Variants in SHOC1 observed in about 807,000 individuals in gnomAD.
The protein encoded by SHOC1 is protein shortage in chiasmata 1 ortholog.
Under a neutral mutation model 179.2 loss-of-function variants are expected in SHOC1, and 136 were observed. The observed-to-expected ratio is 0.76, with a 90% CI of 0.66 to 0.87. The LOEUF (loss-of-function observed/expected upper bound fraction) is 0.87, where lower values mean the gene tolerates loss of function less well. SHOC1 is among the 40% of genes least tolerant of loss of function. The probability of loss-of-function intolerance (pLI) is 0.00; values close to 1 mark genes in which losing one functional copy is unlikely to be tolerated. For missense variants in SHOC1, 1,538 were observed against 1,700.8 expected, an observed-to-expected ratio of 0.90 and a Z score of 1.68; for synonymous variants, 489 against 586.6, an observed-to-expected ratio of 0.83 and a Z score of 2.41.
At position 111,791,399 on chromosome 9, in the gene SHOC1, T is replaced by C. The variant is rs546953687; in HGVS notation, c.20A>G (p.Tyr7Cys). 2 of 1,479,366 alleles carry C rather than the reference T, an allele frequency of 1.4e-6. No individual in the cohort carries two copies. Among genetic ancestry groups the C allele is most frequent in the South Asian group, 1.5e-5 (1 of 68,802 alleles). The allele number at this position is 1,479,366 out of a possible 1,614,324, so 91.6% of individuals were successfully genotyped here. A position where few individuals can be genotyped will look rare whatever the true frequency, so the allele number is the denominator to read the frequency against. The change falls in exon 2 of 28, where the codon TAT becomes TGT. Residue 7 changes from tyrosine (Y) to cysteine (C), a missense_variant. Coordinates refer to ENST00000682961, the MANE Select transcript of SHOC1 (RefSeq NM_001378211.1). Reference sequence around the variant, plus strand: ...CTCATATAAATAGTCTATTGCATGATATTTCAATGCTGAAAACATATCTTC... The same window carrying C: ...CTCATATAAATAGTCTATTGCATGACATTTCAATGCTGAAAACATATCTTC... MFSALK[Y>C]HAIDYLYENV...
chr9:111,758,194 C>T lies in SHOC1; in HGVS notation c.598G>A (p.Glu200Lys). ...AAAGTTTCTTGAAGAGAGAAACATTCCCTTAAAAAAAAATACATTAATTAG... is the reference window on the plus strand; with the variant it reads ...AAAGTTTCTTGAAGAGAGAAACATTTCCTTAAAAAAAAATACATTAATTAG... ...QIFTEANFSR[E>K]CFSLQETLEA... Residue 200 changes from glutamate to lysine, a missense_variant and splice_region_variant, in exon 7 of 28, where the codon GAA becomes AAA. Transcript: ENST00000682961. The T allele has an allele frequency of 6.6e-7, 1 of 1,521,992 alleles. No homozygotes were observed. The highest frequency in any genetic ancestry group is 8.9e-7 in the Non-Finnish European group (1 of 1,120,870). The allele number at this position is 1,521,992 out of a possible 1,614,324, so 94.3% of individuals were successfully genotyped here. A position where few individuals can be genotyped will look rare whatever the true frequency, so the allele number is the denominator to read the frequency against.
At chr9:111,779,677 C>A (rs951911406) in intron 4 of SHOC1, among the ~76,000 whole-genome samples, 4 of 152,098 alleles carry the variant, frequency 2.6e-5, no homozygotes, top group African/African-American at 4.8e-5. Context: ...CGTCTCGCAT[C>A]TTGTTACTCA....
At chr9:111,736,462 G>T (rs1833816137) in intron 12 of SHOC1, among the ~76,000 whole-genome samples, 1 of 152,100 alleles carries the variant, frequency 6.6e-6, no homozygotes, top group East Asian at 1.9e-4. Flanking sequence ...TAAGCAAGGG[G>T]GAAAGAACTC....
intron 3 of SHOC1, among the ~76,000 whole-genome samples, chr9:111,785,489 C>T (rs995637154): frequency 1.3e-5 from 2 of 152,114 alleles, no homozygotes; most frequent in African/African-American, 4.8e-5. Flanking sequence ...CGACTTGACT[C>T]CTCCAAGGAT....
chr9:111,781,742 A>AATTAATTAATTAATTAATTAATT (rs1554724122), intron 3 of SHOC1, among the ~76,000 whole-genome samples: 1 of 106,572 alleles, frequency 9.4e-6, no homozygotes, highest in Non-Finnish European at 2.3e-5. Flanking sequence ...ATAAATAAAT[A>AATTAATTAATTAATTAATTAATT]AATAAATAAA....
At chr9:111,709,592 A>C (rs535232490) in intron 18 of SHOC1, among the ~76,000 whole-genome samples, 125 of 152,346 alleles carry the variant, frequency 8.2e-4, no homozygotes, top group African/African-American at 2.7e-3. Context: ...TTTTTGTGTC[A>C]GTAGACCTTG....
At chr9:111,707,706 C>T in intron 19 of SHOC1, 149 bp downstream of exon 19, 1 of 576,722 alleles carries the variant, frequency 1.7e-6, no homozygotes, top group Non-Finnish European at 3.1e-6. Context: ...AATTAAAGTG[C>T]CCTATGTAAA....
At chr9:111,780,145 G>A (rs951980593) in intron 4 of SHOC1, among the ~76,000 whole-genome samples, 48 of 152,156 alleles carry the variant, frequency 3.2e-4, no homozygotes, top group African/African-American at 1.1e-3. Flanking sequence ...TAAATTCCTA[G>A]GTGACAGAGA....
At chr9:111,731,514 G>A (rs12348078) in intron 12 of SHOC1, among the ~76,000 whole-genome samples, 27,814 of 152,044 alleles carry the variant, frequency 0.18, 2,759 homozygotes, top group Non-Finnish European at 0.22. Flanking sequence ...GGGAACAGCT[G>A]GTTAGTGGAG....
chr9:111,783,624 C>G (rs1000362240), intron 3 of SHOC1: 2 of 152,320 alleles, frequency 1.3e-5, no homozygotes, highest in Middle Eastern at 3.4e-3. Flanking sequence ...TACTCATGCT[C>G]TCAGTGACTT....
chr9:111,689,167 C>T (rs80303934), intron 27 of SHOC1, among the ~76,000 whole-genome samples: 8 of 151,806 alleles, frequency 5.3e-5, no homozygotes, highest in Non-Finnish European at 8.8e-5. Context: ...AGGCGGATTG[C>T]TTGAGCCCAA....
At chr9:111,687,647 T>C (rs1025158736) in intron 27 of SHOC1, among the ~76,000 whole-genome samples, 7 of 152,248 alleles carry the variant, frequency 4.6e-5, no homozygotes, top group African/African-American at 1.7e-4. Context: ...AGGCTCATTT[T>C]GACAGACTTT....
Position 111,741,499 on chromosome 9 carries a change from G to C in SHOC1, c.1151C>G (p.Pro384Arg), listed in dbSNP as rs1260198679. 1 of 1,611,174 alleles carries C rather than the reference G, an allele frequency of 6.2e-7. No homozygotes were observed. The highest frequency in any genetic ancestry group is 2.2e-5 in the East Asian group (1 of 44,692). ...MMWQLERCRS[P>R]LNPFLLTVPR... ...ACCTGTAAGCAAAAATGGGTTCAAA[G>C]GGCTTCTACATCTTTCTAATTGCCA... Residue 384 changes from proline (P) to arginine (R), a missense_variant, in exon 11 of 28, where the codon CCT becomes CGT. By Grantham distance (103) the Pro-to-Arg change is moderately radical. Transcript: ENST00000682961.
intron 2 of SHOC1, among the ~76,000 whole-genome samples, chr9:111,787,070 G>C (rs1297324040): frequency 1.3e-5 from 2 of 152,178 alleles, no homozygotes; most frequent in Middle Eastern, 3.4e-3. Context: ...TAAGCCTATT[G>C]TTGAGACCTA....
chr9:111,777,926 C>T (rs1376620262), intron 4 of SHOC1, among the ~76,000 whole-genome samples: 1 of 152,158 alleles, frequency 6.6e-6, no homozygotes, highest in African/African-American at 2.4e-5. Context: ...TATTTTAACT[C>T]TTCCATGTCC....
chr9:111,790,389 T>C (rs1836407392), intron 2 of SHOC1, among the ~76,000 whole-genome samples: 1 of 152,234 alleles, frequency 6.6e-6, no homozygotes, highest in Admixed American at 6.5e-5. Context: ...TTTATAGAGA[T>C]AACTGGGATT....
At chr9:111,708,197 T>A (rs1564114508) in intron 18 of SHOC1, among the ~76,000 whole-genome samples, 1 of 151,546 alleles carries the variant, frequency 6.6e-6, no homozygotes, top group Non-Finnish European at 1.5e-5. Context: ...TGTTAATTTT[T>A]ATTTTTTATT....
At chr9:111,728,511 T>C (rs182583812) in intron 12 of SHOC1, among the ~76,000 whole-genome samples, 1 of 152,332 alleles carries the variant, frequency 6.6e-6, no homozygotes, top group Admixed American at 6.5e-5. Flanking sequence ...TGAACAATAG[T>C]TCACATAAGA....
intron 24 of SHOC1, among the ~76,000 whole-genome samples, chr9:111,697,859 T>C (rs1180156213): frequency 6.6e-6 from 1 of 152,204 alleles, no homozygotes; most frequent in Admixed American, 6.5e-5. Flanking sequence ...ATCTGTTGTT[T>C]CCTGATTTTT....
Sources: gnomAD v4.1 joint callset for allele counts (sites outside exome capture counted in the v4.1 genomes callset) on GRCh38, gnomAD v4.1.1 for gene constraint, MANE v1.5 for transcripts, NCBI Gene and HGNC (gene_info 2026-07-23, HGNC 2026-07-21) for gene names.